Variants in ATP2B2 observed in about 807,000 individuals in gnomAD.
The protein encoded by ATP2B2 is ATPase plasma membrane Ca2+ transporting 2, also known as plasma membrane calcium-transporting ATPase 2.
In ATP2B2, 15 loss-of-function variants were observed where a neutral mutation model predicts 120.0. The observed-to-expected ratio is 0.12, with a 90% CI of 0.08 to 0.19. The LOEUF is 0.19. ATP2B2 is among the 10% of genes least tolerant of loss of function. The probability of loss-of-function intolerance (pLI) is 1.00; values close to 1 mark genes in which losing one functional copy is unlikely to be tolerated. For missense variants in ATP2B2, 1,045 were observed against 1,719.8 expected (o/e 0.61, Z 6.94); for synonymous variants, 694 against 700.3 (o/e 0.99, Z 0.14).
At chr3:10,582,245 G>C (rs2068408456) in intron 2 of ATP2B2, among the ~76,000 whole-genome samples, 1 of 152,130 alleles carries the variant, frequency 6.6e-6, no homozygotes, top group Non-Finnish European at 1.5e-5. Flanking sequence ...TTGCTGCAGG[G>C]GCTGCTGAGG....
intron 2 of ATP2B2, among the ~76,000 whole-genome samples, chr3:10,610,765 T>G (rs1360145819): frequency 6.6e-6 from 1 of 152,138 alleles, no homozygotes; most frequent in Non-Finnish European, 1.5e-5. Context: ...CTATAAAGAT[T>G]TGGGAAGGAA....
At chr3:10,515,223 G>A (rs2125444740) in intron 3 of ATP2B2, among the ~76,000 whole-genome samples, 1 of 152,250 alleles carries the variant, frequency 6.6e-6, no homozygotes, top group East Asian at 1.9e-4. Context: ...GTAAAGTGGG[G>A]CTAACAATAC....
intron 2 of ATP2B2, among the ~76,000 whole-genome samples, chr3:10,534,898 G>GT (rs59467255): frequency 0.039 from 3,429 of 87,712 alleles, 33 homozygotes; most frequent in Non-Finnish European, 0.047. Flanking sequence ...CATTTATTTG[G>GT]TTTTTTTTTT....
rs1291420073 is a variant in ATP2B2 at position 10,350,420 on chromosome 3, C to T, written c.2294G>A (p.Arg765Lys). 6.2e-7 allele frequency: 1 copy of T among 1,614,244 alleles called. No individual in the cohort carries two copies. Among genetic ancestry groups the T allele is most frequent in the Non-Finnish European group, 8.5e-7 (1 of 1,180,034 alleles). The change falls in exon 15 of 23, where the codon AGG (arginine) becomes AAG (lysine). Residue 765 changes from arginine to lysine, a missense_variant. By Grantham distance (26) the Arg-to-Lys change is conservative. Around this residue, in one of 11 missense-constraint regions of ATP2B2, gnomAD observed 343 missense variants for 536.8 expected, o/e 0.64. Transcript: ENST00000360273. ...LCLEGKEFNRRIRNEKGEIEQ... is the reference protein window; with the variant it reads ...LCLEGKEFNRKIRNEKGEIEQ... The stretch of plus-strand genomic sequence containing the variant: ...CACCTCCCCCTTCTCGTTGCGGATC[C>T]TCCTGTTGAACTCCTTGCCCTCGAG...
intron 1 of ATP2B2, among the ~76,000 whole-genome samples, chr3:10,683,760 G>GTGTATATATATATATATA (rs1446781892): frequency 7.4e-5 from 4 of 53,912 alleles, no homozygotes; most frequent in Non-Finnish European, 1.5e-4. Flanking sequence ...GTGTGTGTGT[G>GTGTATATATATATATATA]TATATATATA....
chr3:10,707,038 T>TC (rs2071906421), intron 1 of ATP2B2, among the ~76,000 whole-genome samples: 2 of 152,322 alleles, frequency 1.3e-5, no homozygotes, highest in Middle Eastern at 3.4e-3. Flanking sequence ...GGCCAGAGTA[T>TC]CCCGTCCTCC....
intron 3 of ATP2B2, among the ~76,000 whole-genome samples, chr3:10,513,632 C>T (rs1294807289): frequency 6.6e-6 from 1 of 152,140 alleles, no homozygotes. Context: ...ACTCCGAGCC[C>T]AGGACACATC....
chr3:10,690,948 A>G (rs2071650209), intron 1 of ATP2B2, among the ~76,000 whole-genome samples: 1 of 152,226 alleles, frequency 6.6e-6, no homozygotes, highest in African/African-American at 2.4e-5. Flanking sequence ...AATGCCTAAG[A>G]CAGTGCCTGG....
chr3:10,345,120 G>A (rs1431434401), intron 18 of ATP2B2, among the ~76,000 whole-genome samples: 1 of 152,192 alleles, frequency 6.6e-6, no homozygotes, highest in Non-Finnish European at 1.5e-5. Context: ...GGGCCAGGCT[G>A]TGAGCCTGAC....
chr3:10,503,922 CTG>C (rs1488050564), intron 1 of ATP2B2, among the ~76,000 whole-genome samples: 1 of 152,190 alleles, frequency 6.6e-6, no homozygotes, highest in Non-Finnish European at 1.5e-5. Flanking sequence ...CGTGTGTGTG[CTG>C]TGTTTTGCAC....
intron 14 of ATP2B2, among the ~76,000 whole-genome samples, chr3:10,355,142 C>T (rs990973315): frequency 6.6e-6 from 1 of 152,180 alleles, no homozygotes; most frequent in Non-Finnish European, 1.5e-5. Flanking sequence ...CCATCCCGCC[C>T]CACTCGGAGG....
chr3:10,494,764 A>G (rs1444163812), intron 1 of ATP2B2, among the ~76,000 whole-genome samples: 1 of 152,184 alleles, frequency 6.6e-6, no homozygotes, highest in Non-Finnish European at 1.5e-5. Context: ...CTTCAGCCCC[A>G]CATGCTGCTA....
intron 2 of ATP2B2, among the ~76,000 whole-genome samples, chr3:10,560,515 C>G (rs2067879153): frequency 6.6e-6 from 1 of 152,196 alleles, no homozygotes; most frequent in Admixed American, 6.5e-5. Context: ...TAGTATGCTT[C>G]TCCCTCAGTC....
At chr3:10,596,096 C>G (rs1156738022) in intron 2 of ATP2B2, among the ~76,000 whole-genome samples, 1 of 152,152 alleles carries the variant, frequency 6.6e-6, no homozygotes, top group East Asian at 1.9e-4. Flanking sequence ...CCCTGACTAC[C>G]CAAGCTAAGT....
chr3:10,538,525 G>A (rs911408825), intron 2 of ATP2B2, among the ~76,000 whole-genome samples: 6 of 152,056 alleles, frequency 3.9e-5, no homozygotes, highest in African/African-American at 7.2e-5. Context: ...AAGCTTATCC[G>A]CCACGATCAA....
chr3:10,496,446 T>C (rs1298555821), intron 1 of ATP2B2, among the ~76,000 whole-genome samples: 1 of 152,244 alleles, frequency 6.6e-6, no homozygotes, highest in Non-Finnish European at 1.5e-5. Context: ...ATATGGGGTA[T>C]GAAAGGCCAG....
chr3:10,586,792 C>G (rs1024961686), intron 2 of ATP2B2, among the ~76,000 whole-genome samples: 3 of 152,148 alleles, frequency 2.0e-5, no homozygotes, highest in African/African-American at 7.2e-5. Context: ...TGGAGACCTT[C>G]CAGAGAAGGT....
At chr3:10,373,126 G>C (rs1303456842) in intron 11 of ATP2B2, among the ~76,000 whole-genome samples, 1 of 152,240 alleles carries the variant, frequency 6.6e-6, no homozygotes, top group Non-Finnish European at 1.5e-5. Context: ...CACGTTGAAT[G>C]ATCAACAGCA....
At chr3:10,658,215 C>T (rs528665554) in intron 1 of ATP2B2, among the ~76,000 whole-genome samples, 69 of 152,342 alleles carry the variant, frequency 4.5e-4, no homozygotes, top group African/African-American at 1.5e-3. Flanking sequence ...AACGCAGCTC[C>T]GCACCAGCAA....
Sources: allele counts gnomAD v4.1 joint callset (sites outside exome capture counted in the v4.1 genomes callset), GRCh38; gene constraint gnomAD v4.1.1; regional missense constraint gnomAD v4.1.1; transcripts MANE v1.5; gene names NCBI Gene and HGNC (gene_info 2026-07-23, HGNC 2026-07-21).